ARHGEF1: variants seen among roughly 807,000 people sequenced by gnomAD.
The protein encoded by ARHGEF1 is 115 kDa guanine nucleotide exchange factor.
Under a neutral mutation model 119.7 loss-of-function variants are expected in ARHGEF1, and 40 were observed. The observed-to-expected ratio is 0.33, with a 90% CI of 0.26 to 0.44. The LOEUF is 0.44. Among genes scored for constraint, ARHGEF1 ranks in the 20% least tolerant of loss-of-function variants. The probability of loss-of-function intolerance (pLI) is 1.00; values close to 1 mark genes in which losing one functional copy is unlikely to be tolerated. For missense variants in ARHGEF1, 976 were observed against 1,268.3 expected, an observed-to-expected ratio of 0.77 and a Z score of 3.50; for synonymous variants, 494 against 521.0, an observed-to-expected ratio of 0.95 and a Z score of 0.71.
intron 8 of ARHGEF1, 24 bp downstream of exon 8, chr19:41,893,327 C>A: frequency 1.3e-6 from 2 of 1,578,336 alleles, no homozygotes; most frequent in Non-Finnish European, 1.7e-6. Flanking sequence ...GGGAGGCGTG[C>A]GGCCTCCTGG....
chr19:41,900,728 A>G (rs903274440), intron 14 of ARHGEF1: 2 of 148,882 alleles, frequency 1.3e-5, no homozygotes, highest in East Asian at 4.0e-4. Flanking sequence ...ACCATTGGTC[A>G]CTCTGGCCAG....
Position 41,895,361 on chromosome 19 carries a change from G to A in ARHGEF1, c.890G>A (p.Gly297Asp). Residue 297 changes from glycine to aspartate, a missense_variant, in exon 12 of 29, where the codon GGT becomes GAT. By Grantham distance (94) the Gly-to-Asp change is moderately conservative. Around this residue, in one of 3 missense-constraint regions of ARHGEF1, gnomAD observed 519 missense variants for 580.9 expected, o/e 0.89. Transcript: ENST00000354532. ...ACTGTCTCCCCAGCCGAGAAGCCAG[G>A]TGCTACAGACCGGAAGGGAGGCGTG... ...LKAEVDAEKPGATDRKGGVGM... is the reference protein window; with the variant it reads ...LKAEVDAEKPDATDRKGGVGM... 6.2e-7 allele frequency: 1 copy of A among 1,609,770 alleles called. No homozygotes were observed. The highest frequency in any genetic ancestry group is 8.5e-7 in the Non-Finnish European group (1 of 1,177,666).
At position 41,888,118 on chromosome 19, in the gene ARHGEF1, G is replaced by C. The variant is rs528062881; in HGVS notation, c.24+12G>C. On this transcript the variant is annotated intron_variant, in intron 2 of 28. Coordinates refer to ENST00000354532, the MANE Select transcript of ARHGEF1 (RefSeq NM_004706.4). This position sits in a 1 kb window ranked among gnomAD's most constrained non-coding sequence, Gnocchi z 5.1. Reference sequence around the variant, plus strand: ...TCGCCCGAGGGGCGGTGAGTGGACAGAGCAAGGGGTGAGGCGACTCTGGGG... The same window carrying C: ...TCGCCCGAGGGGCGGTGAGTGGACACAGCAAGGGGTGAGGCGACTCTGGGG... 11 of 1,613,922 alleles carry C rather than the reference G, an allele frequency of 6.8e-6. No individual in the cohort carries two copies. The African/African-American group carries it at 1.1e-4, about 16-fold the overall frequency.
At chr19:41,914,417 C>T (rs1481276989) in intron 18 of ARHGEF1, among the ~76,000 whole-genome samples, 1 of 151,722 alleles carries the variant, frequency 6.6e-6, no homozygotes, top group African/African-American at 2.4e-5. Context: ...CCATCTCCTC[C>T]TCCACCCCTC....
intron 13 of ARHGEF1, 126 bp from the exon 14 acceptor site, chr19:41,898,313 TCTG>T (rs1395175777): frequency 5.6e-6 from 8 of 1,419,640 alleles, no homozygotes; most frequent in Non-Finnish European, 7.6e-6. Flanking sequence ...AGAGACCTGG[TCTG>T]CTGCACGGGC....
downstream of ARHGEF1, chr19:41,910,126 GGGTCA>G (rs1428544303): frequency 1.3e-6 from 2 of 1,593,262 alleles, no homozygotes; most frequent in Non-Finnish European, 1.7e-6. This position sits in a 1 kb window ranked among gnomAD's most constrained non-coding sequence, Gnocchi z 4.4. Context: ...GAGTGGCCTG[GGGTCA>G]GGATGCCAAG....
At position 41,888,815 on chromosome 19, in the gene ARHGEF1, C is replaced by T; in HGVS notation, c.175C>T (p.Leu59Phe). Residue 59 changes from leucine (L) to phenylalanine (F), a missense_variant, in exon 4 of 29, where the codon CTC (leucine) becomes TTC (phenylalanine). Coordinates refer to ENST00000354532, the MANE Select transcript of ARHGEF1 (RefSeq NM_004706.4). The surrounding 1 kb of genome is among the most constrained non-coding windows in gnomAD (Gnocchi z 5.1). ...GCAGGTGAAGCGGCGCCCAGCCCAC[C>T]TCATGGCCCTCCTGCAGCACGTGGC... ...LEQVKRRPAH[L>F]MALLQHVALQ... 6.2e-7 allele frequency: 1 copy of T among 1,614,232 alleles called. No individual in the cohort carries two copies. Among genetic ancestry groups the T allele is most frequent in the Non-Finnish European group, 8.5e-7 (1 of 1,180,032 alleles).
intron 18 of ARHGEF1, among the ~76,000 whole-genome samples, chr19:41,915,992 T>C (rs1273815069): frequency 6.6e-6 from 1 of 151,902 alleles, no homozygotes; most frequent in South Asian, 2.1e-4. Flanking sequence ...AGCTTTAATT[T>C]TTAATTTTAT....
intron 1 of ARHGEF1, among the ~76,000 whole-genome samples, chr19:41,887,145 C>T (rs2123361152): frequency 6.6e-6 from 1 of 152,140 alleles, no homozygotes; most frequent in East Asian, 1.9e-4. Flanking sequence ...AGGGACAGGA[C>T]AGACGGAGCT....
Position 41,903,568 on chromosome 19 carries a change from A to G in ARHGEF1, c.1840-139A>G. 9.0e-7 allele frequency: 1 copy of G among 1,112,588 alleles called. No homozygotes were observed. Among genetic ancestry groups the G allele is most frequent in the Non-Finnish European group, 1.3e-6 (1 of 762,694 alleles). The allele number at this position is 1,112,588 out of a possible 1,614,324, so 68.9% of individuals were successfully genotyped here. The stretch of plus-strand genomic sequence containing the variant: ...GCTTGGCCCTCAGCATCTCCCTCTC[A>G]GGGTCATTGGAGGTCAGGCCCAACC... On this transcript the variant is annotated intron_variant, in intron 19 of 28. Coordinates refer to ENST00000354532, the MANE Select transcript of ARHGEF1 (RefSeq NM_004706.4). The surrounding 1 kb of genome is among the most constrained non-coding windows in gnomAD (Gnocchi z 4.2).
chr19:41,891,263 G>A (rs2074372074), intron 4 of ARHGEF1, among the ~76,000 whole-genome samples: 1 of 152,128 alleles, frequency 6.6e-6, no homozygotes, highest in Non-Finnish European at 1.5e-5. Context: ...CCACTTAGTA[G>A]CTATGTGATT....
chr19:41,907,026 C>G, intron 28 of ARHGEF1, 79 bp from the exon 29 acceptor site: 3 of 1,332,602 alleles, frequency 2.3e-6, no homozygotes, highest in Non-Finnish European at 3.0e-6. Context: ...TCTGCTCTCC[C>G]TGTCTTGTCT....
chr19:41,908,955 G>T, downstream of ARHGEF1: 1 of 703,738 alleles, frequency 1.4e-6, no homozygotes. The surrounding 1 kb of genome is among the most constrained non-coding windows in gnomAD (Gnocchi z 6.7). Flanking sequence ...ACCTGGCCCT[G>T]GGCCCCCTTC....
rs1249642282 is a variant in ARHGEF1, at chr19:41,896,786, TTCCCCCTCCTCTCTCACC to T, written c.1121+310_1121+327del. On this transcript the variant is annotated intron_variant, in intron 13 of 28. Coordinates refer to ENST00000354532, the MANE Select transcript of ARHGEF1 (RefSeq NM_004706.4). ...CCACCACTCCTTCCATCTCCTTTAT[TTCCCCCTCCTCTCTCACC>T]TCCCCTCTCCTCTCTCACCTCCCCC... is the stretch of plus-strand genomic sequence containing the variant. 471 of 485,012 alleles carry T rather than the reference TTCCCCCTCCTCTCTCACC, an allele frequency of 9.7e-4. 4 individuals carry two copies. Among genetic ancestry groups the T allele is most frequent in the South Asian group, 4.3e-3 (272 of 63,408 alleles). The allele number at this position is 485,012 out of a possible 1,614,324, so 30.0% of individuals were successfully genotyped here.
Position 41,888,710 on chromosome 19 carries a change from T to C in ARHGEF1, c.112-42T>C. The stretch of plus-strand genomic sequence containing the variant: ...TGGGTAGGGTCAACCCTAAGGCCCC[T>C]CCTCTTCTCCCCATTGTACTCACCC... On this transcript the variant is annotated intron_variant, in intron 3 of 28. Transcript: ENST00000354532. The surrounding 1 kb of genome is among the most constrained non-coding windows in gnomAD (Gnocchi z 5.1). 2 of 1,580,038 alleles carry C rather than the reference T, an allele frequency of 1.3e-6. No individual in the cohort carries two copies. The highest frequency in any genetic ancestry group is 1.7e-6 in the Non-Finnish European group (2 of 1,149,840).
chr19:41,893,234 C>A, intron 7 of ARHGEF1, 40 bp from the exon 8 acceptor site: 1 of 1,611,878 alleles, frequency 6.2e-7, no homozygotes, highest in Admixed American at 1.7e-5. Context: ...GGACCCCAGG[C>A]CTAGCAAATA....
In ARHGEF1 at chr19:41,903,528, T is replaced by TGC; in HGVS notation, c.1839+122_1839+123insCG. The TGC allele has an allele frequency of 6.0e-6, 6 of 994,262 alleles. No homozygotes were observed. The highest frequency in any genetic ancestry group is 5.6e-6 in the Non-Finnish European group (4 of 718,108). The allele number at this position is 994,262 out of a possible 1,614,324, so 61.6% of individuals were successfully genotyped here. On this transcript the variant is annotated intron_variant, in intron 19 of 28. Transcript: ENST00000354532. This position sits in a 1 kb window ranked among gnomAD's most constrained non-coding sequence, Gnocchi z 4.2. The stretch of plus-strand genomic sequence containing the variant: ...TTGGCTTGTCTCCCTCAAGGGTCAC[T>TGC]GTGTCCAGGGGTTGGCTTGGCCCTC...
chr19:41,891,803 G>T (rs1405624066), intron 4 of ARHGEF1, among the ~76,000 whole-genome samples: 1 of 152,172 alleles, frequency 6.6e-6, no homozygotes, highest in East Asian at 1.9e-4. Flanking sequence ...CCATAGCACA[G>T]GATGGAAAAT....
intron 11 of ARHGEF1, 33 bp downstream of exon 11, chr19:41,894,694 G>A (rs539960808): frequency 6.2e-7 from 1 of 1,613,290 alleles, no homozygotes; most frequent in South Asian, 1.1e-5. Flanking sequence ...ATCCATACTG[G>A]GGGCCTGTGT....
Sources: gnomAD v4.1 joint callset for allele counts (sites outside exome capture counted in the v4.1 genomes callset) on GRCh38, gnomAD v4.1.1 for gene constraint, gnomAD v4.1.1 regional missense constraint, Gnocchi (gnomAD v3.1) non-coding constraint, MANE v1.5 for transcripts, NCBI Gene and HGNC (gene_info 2026-07-23, HGNC 2026-07-21) for gene names.